PTPRD: variants seen among roughly 807,000 people sequenced by gnomAD.
PTPRD encodes the protein receptor-type tyrosine-protein phosphatase delta.
Under a neutral mutation model 214.5 loss-of-function variants are expected in PTPRD, and 34 were observed. The observed-to-expected ratio is 0.16, with a 90% CI of 0.12 to 0.21. The LOEUF is 0.21. Ranked by LOEUF, PTPRD falls within the 10% of genes least tolerant of loss-of-function variation. The probability of loss-of-function intolerance (pLI) is 1.00; values close to 1 mark genes in which losing one functional copy is unlikely to be tolerated. For missense variants in PTPRD, 2,545 were observed against 2,398.7 expected, an observed-to-expected ratio of 1.06 and a Z score of -1.27; for synonymous variants, 1,128 against 845.7, an observed-to-expected ratio of 1.33 and a Z score of -5.79.
intron 11 of PTPRD, among the ~76,000 whole-genome samples, chr9:8,741,137 ATTAACT>A (rs2091816502): frequency 6.6e-6 from 1 of 152,160 alleles, no homozygotes; most frequent in South Asian, 2.1e-4. Flanking sequence ...AAATGACATT[ATTAACT>A]TTGATTGTTT....
intron 5 of PTPRD, among the ~76,000 whole-genome samples, chr9:9,825,787 T>A (rs542916714): frequency 6.6e-6 from 1 of 151,988 alleles, no homozygotes; most frequent in Admixed American, 6.6e-5. Context: ...TCCATTATGT[T>A]ACCACATTTT....
At chr9:8,502,949 G>C (rs957269391) in intron 23 of PTPRD, among the ~76,000 whole-genome samples, 2 of 151,614 alleles carry the variant, frequency 1.3e-5, no homozygotes, top group African/African-American at 4.8e-5. Flanking sequence ...CTTAATTAAA[G>C]GCTTGGTTTT....
At chr9:9,808,267 G>T (rs534519894) in intron 5 of PTPRD, among the ~76,000 whole-genome samples, 2 of 152,092 alleles carry the variant, frequency 1.3e-5, no homozygotes, top group Non-Finnish European at 2.9e-5. Context: ...AATTAAATTG[G>T]AAGTCCCTAC....
intron 10 of PTPRD, among the ~76,000 whole-genome samples, chr9:9,119,631 C>A (rs929471561): frequency 6.6e-6 from 1 of 151,848 alleles, no homozygotes; most frequent in South Asian, 2.1e-4. Flanking sequence ...TCAAGCGATT[C>A]TCCTGCCTCA....
rs551554745 is a variant in PTPRD at position 9,258,436 on chromosome 9, A to C, written c.-202-75073T>G. Among the ~76,000 whole-genome samples the C allele has an allele frequency of 3.8e-3, 571 of 152,052 alleles. 4 individuals are homozygous for C. The highest frequency in any genetic ancestry group is 0.013 in the African/African-American group (530 of 41,538). ...CATTGCACGCTTCTATTAAATAAAAAAAAAAATACAACAGCCATTGAGGAT... is the reference window on the plus strand; with the variant it reads ...CATTGCACGCTTCTATTAAATAAAACAAAAAATACAACAGCCATTGAGGAT... On this transcript the variant is annotated intron_variant, in intron 9 of 45. Coordinates refer to ENST00000381196, the MANE Select transcript of PTPRD (RefSeq NM_002839.4).
At chr9:9,128,684 G>A (rs369227422) in intron 10 of PTPRD, among the ~76,000 whole-genome samples, 1 of 152,152 alleles carries the variant, frequency 6.6e-6, no homozygotes, top group African/African-American at 2.4e-5. Flanking sequence ...TGACATTCAT[G>A]CCTATCAAAT....
intron 12 of PTPRD, among the ~76,000 whole-genome samples, chr9:8,644,980 C>T (rs555899814): frequency 3.3e-4 from 50 of 152,326 alleles, no homozygotes; most frequent in African/African-American, 1.1e-3. Flanking sequence ...AGGAAAATAA[C>T]ACCCCAAAGA....
chr9:10,299,550 G>C (rs2095798023), intron 3 of PTPRD, among the ~76,000 whole-genome samples: 1 of 152,086 alleles, frequency 6.6e-6, no homozygotes, highest in South Asian at 2.1e-4. Flanking sequence ...GTCCTTATAA[G>C]GGAAGAATAC....
At chr9:8,842,756 G>C (rs765167515) in intron 11 of PTPRD, among the ~76,000 whole-genome samples, 1 of 152,120 alleles carries the variant, frequency 6.6e-6, no homozygotes, top group Non-Finnish European at 1.5e-5. Flanking sequence ...ACATTGGATT[G>C]GCCTGATCTG....
intron 9 of PTPRD, among the ~76,000 whole-genome samples, chr9:9,258,278 C>T (rs898807276): frequency 6.6e-6 from 1 of 151,914 alleles, no homozygotes; most frequent in African/African-American, 2.4e-5. Context: ...AACAGCTTGG[C>T]TTCCAGGCAA....
intron 4 of PTPRD, among the ~76,000 whole-genome samples, chr9:10,031,647 T>TACATACACACACAC (rs1555494945): frequency 1.1e-5 from 1 of 89,692 alleles, no homozygotes; most frequent in African/African-American, 8.1e-5. Flanking sequence ...TATATATATA[T>TACATACACACACAC]ACACACACAC....
intron 9 of PTPRD, among the ~76,000 whole-genome samples, chr9:9,231,819 T>C (rs892135014): frequency 7.2e-5 from 11 of 152,146 alleles, no homozygotes; most frequent in African/African-American, 2.7e-4. Context: ...GCCATGTTGG[T>C]TTGCTGCACC....
At chr9:9,984,514 T>G (rs2095643291) in intron 4 of PTPRD, among the ~76,000 whole-genome samples, 1 of 152,074 alleles carries the variant, frequency 6.6e-6, no homozygotes, top group African/African-American at 2.4e-5. Context: ...AGAGTGCAGA[T>G]TGGACGCAGG....
chr9:9,130,787 T>G (rs144884298), intron 10 of PTPRD, among the ~76,000 whole-genome samples: 20 of 152,274 alleles, frequency 1.3e-4, no homozygotes, highest in Non-Finnish European at 2.1e-4. Context: ...TGAGCTATTT[T>G]GGGGTAGTCA....
intron 7 of PTPRD, among the ~76,000 whole-genome samples, chr9:9,632,048 C>T (rs2095611626): frequency 6.6e-6 from 1 of 152,074 alleles, no homozygotes; most frequent in African/African-American, 2.4e-5. Context: ...ATACTAGGAA[C>T]AAAATAGCAT....
intron 9 of PTPRD, among the ~76,000 whole-genome samples, chr9:9,197,014 C>G (rs568337726): frequency 1.3e-5 from 2 of 152,122 alleles, no homozygotes; most frequent in African/African-American, 4.8e-5. Context: ...TAGACAAAAA[C>G]ATAATAACAT....
intron 4 of PTPRD, among the ~76,000 whole-genome samples, chr9:10,024,866 T>G (rs1026309481): frequency 6.2e-5 from 9 of 146,142 alleles, no homozygotes; most frequent in African/African-American, 1.5e-4. Context: ...CACCTATGAG[T>G]GAGAACATGC....
rs148512952 is a variant in PTPRD at position 8,603,493 on chromosome 9, CTTAT to C, written c.352+29820_352+29823del. 3.8e-3 allele frequency among the ~76,000 whole-genome samples: 575 copies of C among 152,234 alleles called. 10 individuals are homozygous for C. The highest frequency in any genetic ancestry group is 0.013 in the African/African-American group (559 of 41,552). On this transcript the variant is annotated intron_variant, in intron 14 of 45. Transcript: ENST00000381196. The stretch of plus-strand genomic sequence containing the variant: ...ATCTCCTTAACGGTTTGCTTTCTCA[CTTAT>C]TTGAGAACTTTTTTCCTATAACGTG...
At chr9:9,603,057 T>C (rs2093895599) in intron 7 of PTPRD, among the ~76,000 whole-genome samples, 1 of 152,138 alleles carries the variant, frequency 6.6e-6, no homozygotes, top group African/African-American at 2.4e-5. Flanking sequence ...GAATTCTTGA[T>C]TGAAATTAAT....
Sources: gnomAD v4.1 joint callset for allele counts (sites outside exome capture counted in the v4.1 genomes callset) on GRCh38, gnomAD v4.1.1 for gene constraint, MANE v1.5 for transcripts, NCBI Gene and HGNC (gene_info 2026-07-23, HGNC 2026-07-21) for gene names.